The following SH3GL3 variants were observed in gnomAD, a reference collection of about 807,000 sequenced individuals.
The protein encoded by SH3GL3 is endophilin-A3.
SH3GL3 carries 33 observed loss-of-function variants against 47.7 expected under a neutral mutation model. The observed-to-expected ratio is 0.69, with a 90% CI of 0.52 to 0.92. SH3GL3 has a LOEUF of 0.92. SH3GL3 is among the 40% of genes least tolerant of loss of function. The pLI, the probability that SH3GL3 is intolerant of heterozygous loss-of-function variation, is 0.00. For missense variants in SH3GL3, 363 were observed against 417.8 expected (o/e 0.87, Z 1.14); for synonymous variants, 155 against 148.8 (o/e 1.04, Z -0.30).
At chr15:83,548,123 A>G (rs2044493935) in intron 1 of SH3GL3, among the ~76,000 whole-genome samples, 1 of 151,670 alleles carries the variant, frequency 6.6e-6, no homozygotes, top group African/African-American at 2.4e-5. Context: ...AGAATAGACC[A>G]TACAACAAGA....
At chr15:83,485,207 G>A (rs1222460593) in intron 1 of SH3GL3, among the ~76,000 whole-genome samples, 2 of 152,144 alleles carry the variant, frequency 1.3e-5, no homozygotes, top group Non-Finnish European at 2.9e-5. Flanking sequence ...ACTGAGGAAA[G>A]TGTTTTTTTC....
chr15:83,508,203 G>A (rs1666338451), intron 1 of SH3GL3, among the ~76,000 whole-genome samples: 1 of 151,888 alleles, frequency 6.6e-6, no homozygotes, highest in Non-Finnish European at 1.5e-5. Flanking sequence ...GCCTCCCAAA[G>A]TGCTGGGATT....
chr15:83,485,941 G>C (rs998181192), intron 1 of SH3GL3, among the ~76,000 whole-genome samples: 1 of 152,132 alleles, frequency 6.6e-6, no homozygotes, highest in African/African-American at 2.4e-5. Context: ...TTAACATTTT[G>C]CCATCTTTGG....
intron 6 of SH3GL3, among the ~76,000 whole-genome samples, chr15:83,578,545 A>G (rs2059745642): frequency 6.6e-6 from 1 of 152,202 alleles, no homozygotes; most frequent in Non-Finnish European, 1.5e-5. Context: ...TACTAACAAG[A>G]CATTCATCCT....
intron 1 of SH3GL3, among the ~76,000 whole-genome samples, chr15:83,528,586 G>A (rs1219542605): frequency 6.6e-6 from 1 of 151,918 alleles, no homozygotes; most frequent in Non-Finnish European, 1.5e-5. Flanking sequence ...CTAGTCTATT[G>A]TTGAACCTCT....
At chr15:83,630,098 C>T in the SH3GL3 span, among the ~76,000 whole-genome samples, 1 of 152,312 alleles carries the variant, frequency 6.6e-6, no homozygotes, top group South Asian at 2.1e-4. Context: ...CACATGCACT[C>T]TGGCCTGCCA....
chr15:83,578,864 A>C (rs897440706), intron 6 of SH3GL3, among the ~76,000 whole-genome samples: 1 of 152,180 alleles, frequency 6.6e-6, no homozygotes, highest in East Asian at 1.9e-4. Context: ...TTGTTGGGCC[A>C]TATGGAATGT....
intron 6 of SH3GL3, among the ~76,000 whole-genome samples, chr15:83,580,571 C>T (rs751025582): frequency 1.5e-4 from 23 of 152,202 alleles, no homozygotes; most frequent in African/African-American, 2.4e-4. Flanking sequence ...ACAAAAAAGC[C>T]GGATTGGAAT....
At chr15:83,600,430 C>A (rs949103510) in intron 8 of SH3GL3, among the ~76,000 whole-genome samples, 7 of 152,194 alleles carry the variant, frequency 4.6e-5, no homozygotes, top group African/African-American at 1.7e-4. Context: ...ATCCCAACAC[C>A]ATTTGTTGAA....
chr15:83,556,695 A>G (rs1185596185), intron 1 of SH3GL3, among the ~76,000 whole-genome samples: 1 of 152,232 alleles, frequency 6.6e-6, no homozygotes, highest in African/African-American at 2.4e-5. Flanking sequence ...AGCTTTTGCT[A>G]TATAACACAC....
chr15:83,579,099 A>G (rs1896799), intron 6 of SH3GL3, among the ~76,000 whole-genome samples: 44,390 of 152,086 alleles, frequency 0.29, 6,896 homozygotes, highest in Middle Eastern at 0.44. Context: ...TCAAAAGTCA[A>G]AAAGGATCCC....
rs1347569581 is a variant in SH3GL3 at position 83,447,772 on chromosome 15, C to G, written c.45+194C>G. 6.6e-6 allele frequency among the ~76,000 whole-genome samples: 1 copy of G among 152,188 alleles called. No individual in the cohort carries two copies. The highest frequency in any genetic ancestry group is 2.4e-5 in the African/African-American group (1 of 41,456). ...CGGCGTCTTGGCGCCTTCTCCTTCC[C>G]ATTCCCTGGCCCCCGGCTCTGCCCT... On this transcript the variant is annotated intron_variant, in intron 1 of 8. Transcript: ENST00000427482. This position sits in a 1 kb window ranked among gnomAD's most constrained non-coding sequence, Gnocchi z 5.1.
chr15:83,504,276 A>T (rs112847570), intron 1 of SH3GL3, among the ~76,000 whole-genome samples: 5 of 152,174 alleles, frequency 3.3e-5, no homozygotes, highest in Non-Finnish European at 7.4e-5. Context: ...GTTTCCCAGA[A>T]GTTCCCTGTG....
At chr15:83,508,810 G>T (rs1476616149) in intron 1 of SH3GL3, among the ~76,000 whole-genome samples, 1 of 152,140 alleles carries the variant, frequency 6.6e-6, no homozygotes, top group East Asian at 1.9e-4. Flanking sequence ...TGGCCAGGAT[G>T]GTCTTGATCT....
At chr15:83,549,004 T>A (rs2044537325) in intron 1 of SH3GL3, among the ~76,000 whole-genome samples, 1 of 152,206 alleles carries the variant, frequency 6.6e-6, no homozygotes, top group African/African-American at 2.4e-5. Context: ...TTCTACTGAC[T>A]GAACTTCCAG....
intron 1 of SH3GL3, among the ~76,000 whole-genome samples, chr15:83,529,136 G>A (rs1350805260): frequency 6.6e-6 from 1 of 152,190 alleles, no homozygotes; most frequent in Non-Finnish European, 1.5e-5. Context: ...CTGTGGTGAT[G>A]CTTTGCTGGG....
chr15:83,496,361 AAAAAAAAAAAG>A (rs986107546), intron 1 of SH3GL3, among the ~76,000 whole-genome samples: 4 of 145,124 alleles, frequency 2.8e-5, no homozygotes, highest in South Asian at 2.6e-4. Flanking sequence ...TATGTCTCAA[AAAAAAAAAAAG>A]AAAAAAAAAA....
intron 6 of SH3GL3, among the ~76,000 whole-genome samples, chr15:83,578,540 A>G (rs1462062424): frequency 1.3e-5 from 2 of 152,208 alleles, no homozygotes; most frequent in Admixed American, 6.5e-5. Context: ...TCCAATACTA[A>G]CAAGACATTC....
At chr15:83,458,016 A>T (rs2040083872) in intron 1 of SH3GL3, among the ~76,000 whole-genome samples, 1 of 152,188 alleles carries the variant, frequency 6.6e-6, no homozygotes, top group Non-Finnish European at 1.5e-5. Flanking sequence ...TTAATTTCCC[A>T]AAGTTAAGTG....
Sources: gnomAD v4.1 joint callset for allele counts (sites outside exome capture counted in the v4.1 genomes callset) on GRCh38, gnomAD v4.1.1 for gene constraint, Gnocchi (gnomAD v3.1) non-coding constraint, MANE v1.5 for transcripts, NCBI Gene and HGNC (gene_info 2026-07-23, HGNC 2026-07-21) for gene names.